The following KCNMB4 variants were observed in gnomAD, a reference collection of about 807,000 sequenced individuals.
KCNMB4 encodes potassium calcium-activated channel subfamily M regulatory beta subunit 4, also known as calcium-activated potassium channel subunit beta-4.
A neutral mutation model predicts 20.7 loss-of-function variants in KCNMB4; 3 were observed. The ratio of observed to expected loss-of-function variants is 0.14; its 90% CI spans 0.07 to 0.37. KCNMB4 has a LOEUF of 0.37. Among genes scored for constraint, KCNMB4 ranks in the 10% least tolerant of loss-of-function variants. The pLI, the probability that KCNMB4 is intolerant of heterozygous loss-of-function variation, is 1.00. For missense variants in KCNMB4, 168 were observed against 265.9 expected, an observed-to-expected ratio of 0.63 and a Z score of 2.56; for synonymous variants, 110 against 113.4, an observed-to-expected ratio of 0.97 and a Z score of 0.19.
chr12:70,379,179 A>G (rs986610013), intron 1 of KCNMB4, among the ~76,000 whole-genome samples: 2 of 152,172 alleles, frequency 1.3e-5, no homozygotes, highest in Admixed American at 1.3e-4. Context: ...GAAATGGTAA[A>G]TGAGCACTGG....
intron 2 of KCNMB4, among the ~76,000 whole-genome samples, chr12:70,409,175 C>T (rs944299406): frequency 1.3e-5 from 2 of 152,106 alleles, no homozygotes; most frequent in East Asian, 3.9e-4. Flanking sequence ...TCACAGAGTA[C>T]ACGGAGCAGG....
intron 1 of KCNMB4, among the ~76,000 whole-genome samples, chr12:70,395,608 G>A (rs904019909): frequency 3.9e-5 from 6 of 152,174 alleles, no homozygotes; most frequent in Non-Finnish European, 7.3e-5. Flanking sequence ...AGCATTCCAT[G>A]TTGTGTGATG....
intron 2 of KCNMB4, among the ~76,000 whole-genome samples, chr12:70,411,686 G>A (rs1868782436): frequency 6.6e-6 from 1 of 152,082 alleles, no homozygotes; most frequent in Admixed American, 6.5e-5. Context: ...GCATATACCT[G>A]TAGTCCCCAC....
At chr12:70,389,907 G>C (rs1471898434) in intron 1 of KCNMB4, among the ~76,000 whole-genome samples, 1 of 152,114 alleles carries the variant, frequency 6.6e-6, no homozygotes, top group East Asian at 1.9e-4. Flanking sequence ...GGGTGAATGG[G>C]AAATAGAATT....
intron 2 of KCNMB4, among the ~76,000 whole-genome samples, chr12:70,418,279 C>T (rs1198868037): frequency 6.6e-6 from 1 of 152,168 alleles, no homozygotes; most frequent in Non-Finnish European, 1.5e-5. Context: ...CTCACACCCA[C>T]GTTGCAAGTG....
chr12:70,394,362 C>G (rs1868332044), intron 1 of KCNMB4, among the ~76,000 whole-genome samples: 2 of 152,080 alleles, frequency 1.3e-5, no homozygotes, highest in South Asian at 4.1e-4. Flanking sequence ...CTCTTTCTGC[C>G]CAGCCTACTC....
In KCNMB4 at chr12:70,433,837, G is replaced by T. The variant is rs1031267722; in HGVS notation, c.*3184G>T. The T allele has an allele frequency of 3.3e-5, 5 of 152,224 alleles. No individual in the cohort carries two copies. The highest frequency in any genetic ancestry group is 7.3e-5 in the Non-Finnish European group (5 of 68,044). The allele number at this position is 152,224 out of a possible 1,614,324, so 9.4% of individuals were successfully genotyped here. ...CTAGTTTGACCTCTAGGAAAGTCTT[G>T]CTCGTCAGCTTCTGTGGCCCCGTCT... On this transcript the variant is annotated 3_prime_UTR_variant, in exon 3 of 3. Transcript: ENST00000258111.
chr12:70,428,404 A>C (rs938673769), intron 2 of KCNMB4, among the ~76,000 whole-genome samples: 1 of 152,218 alleles, frequency 6.6e-6, no homozygotes, highest in Non-Finnish European at 1.5e-5. Context: ...GTATCAGTAG[A>C]TTATGGAGGA....
intron 2 of KCNMB4, among the ~76,000 whole-genome samples, chr12:70,404,154 A>G (rs1306036360): frequency 2.0e-5 from 3 of 152,234 alleles, no homozygotes; most frequent in Admixed American, 6.5e-5. Context: ...TTTGTAAGCT[A>G]GAAAGGTAGC....
chr12:70,366,932 C>G lies in KCNMB4; in HGVS notation c.198C>G (p.Phe66Leu). The G allele has an allele frequency of 6.2e-7, 1 of 1,612,766 alleles. No homozygotes were observed. Among genetic ancestry groups the G allele is most frequent in the Non-Finnish European group, 8.5e-7 (1 of 1,179,530 alleles). The change falls in exon 1 of 3, where the codon TTC (phenylalanine) becomes TTG (leucine). Residue 66 changes from phenylalanine to leucine, a missense_variant. By Grantham distance (22) the Phe-to-Leu change is conservative. Coordinates refer to ENST00000258111, the MANE Select transcript of KCNMB4 (RefSeq NM_014505.6). Reference sequence around the variant, plus strand: ...CGGTGCAGCAGATCGGCGAGGTGTTCGAGTGCACCTTCACCTGTGGCGCCG... The same window carrying G: ...CGGTGCAGCAGATCGGCGAGGTGTTGGAGTGCACCTTCACCTGTGGCGCCG... ...VLSVQQIGEV[F>L]ECTFTCGADC...
At chr12:70,369,141 A>G (rs1883547111) in intron 1 of KCNMB4, among the ~76,000 whole-genome samples, 1 of 152,246 alleles carries the variant, frequency 6.6e-6, no homozygotes, top group Non-Finnish European at 1.5e-5. Flanking sequence ...GAAGTCATGG[A>G]CAACATCCTA....
At chr12:70,408,107 G>A (rs977423508) in intron 2 of KCNMB4, among the ~76,000 whole-genome samples, 14 of 152,066 alleles carry the variant, frequency 9.2e-5, no homozygotes, top group African/African-American at 3.1e-4. Flanking sequence ...ATTCCCAAAC[G>A]GTGGGGGTGT....
At chr12:70,418,976 AG>A (rs1368695912) in intron 2 of KCNMB4, among the ~76,000 whole-genome samples, 1 of 152,164 alleles carries the variant, frequency 6.6e-6, no homozygotes, top group African/African-American at 2.4e-5. Flanking sequence ...AAGTAAAATA[AG>A]GGGCCCCATT....
rs773261244 is a variant in KCNMB4, at chr12:70,387,208, C to A, written c.337-13001C>A. Among the ~76,000 whole-genome samples the A allele has an allele frequency of 2.0e-5, 3 of 150,274 alleles. No homozygotes were observed. In the Middle Eastern group the frequency reaches 0.01, roughly 525 times the overall value. On this transcript the variant is annotated intron_variant, in intron 1 of 2. Transcript: ENST00000258111. ...TAATAAAAATGTATCATTCCGACAG[C>A]TGTGTGTGAAAGAGCCTATTTTTTG... is the stretch of plus-strand genomic sequence containing the variant.
chr12:70,368,588 CA>C (rs1281911901), intron 1 of KCNMB4, among the ~76,000 whole-genome samples: 32 of 151,502 alleles, frequency 2.1e-4, no homozygotes, highest in African/African-American at 5.8e-4. Flanking sequence ...GTTTTAGAAA[CA>C]TTTTTTTTTT....
At chr12:70,397,361 C>T (rs1347765934) in intron 1 of KCNMB4, among the ~76,000 whole-genome samples, 8 of 152,122 alleles carry the variant, frequency 5.3e-5, no homozygotes, top group Non-Finnish European at 1.0e-4. Flanking sequence ...AAAAAAAATT[C>T]TTTCCAGGCA....
At chr12:70,386,281 G>T (rs903305958) in intron 1 of KCNMB4, among the ~76,000 whole-genome samples, 1 of 151,836 alleles carries the variant, frequency 6.6e-6, no homozygotes, top group African/African-American at 2.4e-5. Context: ...ATAGATAATG[G>T]GTCTGTCTTC....
intron 1 of KCNMB4, among the ~76,000 whole-genome samples, chr12:70,370,287 T>C (rs909403289): frequency 1.4e-5 from 2 of 147,310 alleles, no homozygotes; most frequent in African/African-American, 5.1e-5. Flanking sequence ...TTGGTGCTAC[T>C]GAATTTTTTG....
intron 1 of KCNMB4, among the ~76,000 whole-genome samples, chr12:70,377,129 C>A (rs968149452): frequency 6.6e-6 from 1 of 152,112 alleles, no homozygotes. Flanking sequence ...AAAACCCCAG[C>A]TGGATTAGTT....
Sources: allele counts gnomAD v4.1 joint callset (sites outside exome capture counted in the v4.1 genomes callset), GRCh38; gene constraint gnomAD v4.1.1; transcripts MANE v1.5; gene names NCBI Gene and HGNC (gene_info 2026-07-23, HGNC 2026-07-21).